UBE2F: variants seen among roughly 807,000 people sequenced by gnomAD.
UBE2F encodes ubiquitin conjugating enzyme E2 F (putative), also known as NEDD8-conjugating enzyme UBE2F.
UBE2F carries 5 observed loss-of-function variants against 29.6 expected under a neutral mutation model. That is an observed-to-expected ratio of 0.17 (90% CI 0.09 to 0.36). The LOEUF (loss-of-function observed/expected upper bound fraction) is 0.36. UBE2F is among the 10% of genes least tolerant of loss of function. The pLI is 1.00. For missense variants in UBE2F, 141 were observed against 228.5 expected (o/e 0.62, Z 2.47); for synonymous variants, 66 against 81.8 (o/e 0.81, Z 1.04).
chr2:238,007,160 C>A (rs549474764), intron 4 of UBE2F, among the ~76,000 whole-genome samples: 7 of 152,172 alleles, frequency 4.6e-5, no homozygotes, highest in African/African-American at 1.7e-4. Context: ...CTTGCTCTAT[C>A]GCCAAGGCTG....
chr2:237,992,697 G>C (rs1416438070), intron 3 of UBE2F, among the ~76,000 whole-genome samples: 1 of 152,176 alleles, frequency 6.6e-6, no homozygotes, highest in Non-Finnish European at 1.5e-5. Flanking sequence ...CCTTGCTTCT[G>C]TTGATAACCT....
At chr2:238,038,395 G>T (rs1296906521) in intron 9 of UBE2F, among the ~76,000 whole-genome samples, 1 of 152,152 alleles carries the variant, frequency 6.6e-6, no homozygotes, top group African/African-American at 2.4e-5. Flanking sequence ...TGATGGGCTT[G>T]TGTTGTCTGG....
chr2:238,016,018 G>A (rs559930124), intron 4 of UBE2F, among the ~76,000 whole-genome samples: 9 of 152,272 alleles, frequency 5.9e-5, no homozygotes, highest in African/African-American at 2.2e-4. Flanking sequence ...TTTCTAGAAG[G>A]CCTGCTCTGT....
At chr2:237,976,195 C>T (rs2121472) in intron 2 of UBE2F, among the ~76,000 whole-genome samples, 131,568 of 152,260 alleles carry the variant, frequency 0.86, 57,036 homozygotes, top group East Asian at 0.97. Flanking sequence ...TCTCAGATTC[C>T]GGGCTCCATC....
intron 8 of UBE2F, among the ~76,000 whole-genome samples, chr2:238,033,247 A>G (rs966099775): frequency 2.6e-5 from 4 of 152,230 alleles, no homozygotes; most frequent in African/African-American, 9.6e-5. Flanking sequence ...TTCTCAGACA[A>G]TGGCCCTAGG....
intron 2 of UBE2F, among the ~76,000 whole-genome samples, chr2:237,987,322 A>G (rs1284816485): frequency 6.6e-6 from 1 of 151,946 alleles, no homozygotes; most frequent in Non-Finnish European, 1.5e-5. Flanking sequence ...AAACTGGGAT[A>G]ATTTTATTTC....
intron 6 of UBE2F, among the ~76,000 whole-genome samples, chr2:238,026,293 G>T (rs2064426930): frequency 6.6e-6 from 1 of 152,224 alleles, no homozygotes; most frequent in African/African-American, 2.4e-5. Flanking sequence ...CTTTTGACAT[G>T]AAATGCAATT....
Position 238,040,398 on chromosome 2 carries a change from C to T in UBE2F, c.508-890C>T, listed in dbSNP as rs886253015. ...TGAGGCTTAGACAGGAGGACTGAGG[C>T]TTAGCTAAGGAAATGGAGCTCATGC... On this transcript the variant is annotated intron_variant, in intron 9 of 9. Transcript: ENST00000272930. This position sits in a 1 kb window ranked among gnomAD's most constrained non-coding sequence, Gnocchi z 4.4. 4.6e-5 allele frequency among the ~76,000 whole-genome samples: 7 copies of T among 152,194 alleles called. No individual in the cohort carries two copies. The highest frequency in any genetic ancestry group is 1.7e-4 in the African/African-American group (7 of 41,462).
intron 8 of UBE2F, 23 bp from the exon 9 acceptor site, chr2:238,035,855 C>CT (rs765023715): frequency 1.3e-6 from 2 of 1,596,536 alleles, no homozygotes; most frequent in South Asian, 1.1e-5. Flanking sequence ...CCAATGTTTA[C>CT]TTTAAGTTTC....
intron 6 of UBE2F, 52 bp from the exon 7 acceptor site, chr2:238,030,504 C>A: frequency 7.2e-7 from 1 of 1,388,932 alleles, no homozygotes; most frequent in Non-Finnish European, 1.0e-6. Context: ...TGGCAGCGTG[C>A]AGGGCACCTG....
Position 238,025,412 on chromosome 2 carries a change from G to C in UBE2F, c.353G>C (p.Ser118Thr). ...NITETGEICL[S>T]LLREHSIDGT... ...ACAGAGACAGGGGAAATATGTCTGA[G>C]GTGAGTTTATTGTCTTTTCTTTCTT... Residue 118 changes from serine to threonine, a missense_variant and splice_region_variant, in exon 6 of 10, where the codon AGT becomes ACT. By Grantham distance (58) the Ser-to-Thr change is moderately conservative. Coordinates refer to ENST00000272930, the MANE Select transcript of UBE2F (RefSeq NM_080678.3). 6.2e-7 allele frequency: 1 copy of C among 1,613,408 alleles called. No individual in the cohort carries two copies. The highest frequency in any genetic ancestry group is 8.5e-7 in the Non-Finnish European group (1 of 1,179,510).
chr2:238,035,586 A>T (rs79215640), intron 8 of UBE2F: 3,519 of 303,900 alleles, frequency 0.012, 116 homozygotes, highest in African/African-American at 0.07. Context: ...CACAAATAGC[A>T]TTAGAAATGA....
rs534464471 is a variant in UBE2F, at chr2:237,977,826, T to C, written c.118+4601T>C. On this transcript the variant is annotated intron_variant, in intron 2 of 9. Coordinates refer to ENST00000272930, the MANE Select transcript of UBE2F (RefSeq NM_080678.3). The stretch of plus-strand genomic sequence containing the variant: ...AACTGTCATCGGGTACTGTGGCTTG[T>C]GTAAGGGTGTTATTCACAAGCATCC... Among the ~76,000 whole-genome samples, 12 of 152,176 alleles carry C rather than the reference T, an allele frequency of 7.9e-5. No homozygotes were observed. The South Asian group carries it at 2.5e-3, about 32-fold the overall frequency.
At chr2:237,986,731 G>A (rs2063488800) in intron 2 of UBE2F, among the ~76,000 whole-genome samples, 1 of 152,186 alleles carries the variant, frequency 6.6e-6, no homozygotes, top group South Asian at 2.1e-4. Flanking sequence ...CCTTGCATGT[G>A]AATATCCAGT....
At chr2:237,988,894 G>A (rs954154082) in intron 3 of UBE2F, among the ~76,000 whole-genome samples, 1 of 152,162 alleles carries the variant, frequency 6.6e-6, no homozygotes, top group Non-Finnish European at 1.5e-5. Context: ...TTGCTTGATT[G>A]TTTCTGCCCC....
At chr2:237,987,820 T>G in intron 2 of UBE2F, 143 bp from the exon 3 acceptor site, 1 of 566,442 alleles carries the variant, frequency 1.8e-6, no homozygotes, top group Non-Finnish European at 3.1e-6. Context: ...GCTTAAAGTC[T>G]AAACTTTAGA....
At chr2:237,981,487 G>C (rs1053395076) in intron 2 of UBE2F, among the ~76,000 whole-genome samples, 1 of 152,056 alleles carries the variant, frequency 6.6e-6, no homozygotes, top group Non-Finnish European at 1.5e-5. Flanking sequence ...AAGCCTGTGG[G>C]GACTGTGACT....
intron 4 of UBE2F, among the ~76,000 whole-genome samples, chr2:238,006,721 A>G (rs150965510): frequency 1.3e-5 from 2 of 150,952 alleles, no homozygotes; most frequent in African/African-American, 4.9e-5. Flanking sequence ...TAGAAGTGGT[A>G]GGAGGGACAT....
At chr2:238,020,548 T>G (rs2064267825) in intron 5 of UBE2F, among the ~76,000 whole-genome samples, 1 of 152,250 alleles carries the variant, frequency 6.6e-6, no homozygotes. Context: ...TTACAGTTCC[T>G]GCAGTGAAGG....
Sources: gnomAD v4.1 joint callset for allele counts (sites outside exome capture counted in the v4.1 genomes callset) on GRCh38, gnomAD v4.1.1 for gene constraint, Gnocchi (gnomAD v3.1) non-coding constraint, MANE v1.5 for transcripts, NCBI Gene and HGNC (gene_info 2026-07-23, HGNC 2026-07-21) for gene names.